The following RPS3 variants were observed in gnomAD, a reference collection of about 807,000 sequenced individuals.
RPS3 encodes ribosomal protein S3.
Under a neutral mutation model 25.8 loss-of-function variants are expected in RPS3, and 2 were observed. That is an observed-to-expected ratio of 0.08 (90% CI 0.03 to 0.24). The LOEUF (loss-of-function observed/expected upper bound fraction) is 0.24, where lower values mean the gene tolerates loss of function less well. RPS3 is among the 10% of genes least tolerant of loss of function. RPS3 has a pLI of 1.00. For synonymous variants in RPS3, 114 were observed against 114.2 expected (o/e 1.00, Z 0.01); for missense variants, 107 against 307.1 (o/e 0.35, Z 4.87).
rs747079232 is a variant in RPS3 at position 75,404,889 on chromosome 11, G to C, written c.*3+21G>C. 1 of 1,518,470 alleles carries C rather than the reference G, an allele frequency of 6.6e-7. No individual in the cohort carries two copies. 94.1% of individuals were successfully genotyped at this position (1,518,470 alleles called of 1,614,324 possible). ...AACAGGTATGTCTGCAAGGGCAGGG[G>C]CCTCTTGGGGCATAATAGGGTCCTT... is the stretch of plus-strand genomic sequence containing the variant. On this transcript the variant is annotated intron_variant, in intron 6 of 6. Coordinates refer to ENST00000531188, the MANE Select transcript of RPS3 (RefSeq NM_001005.5). The surrounding 1 kb of genome is among the most constrained non-coding windows in gnomAD (Gnocchi z 4.6).
At chr11:75,402,471 C>T (rs1565163654) in intron 4 of RPS3, 25 bp downstream of exon 4, 7 of 1,587,366 alleles carry the variant, frequency 4.4e-6, no homozygotes, top group Middle Eastern at 2.0e-4. Context: ...ACCTAATGGT[C>T]ATGACCTTTT....
intron 6 of RPS3, among the ~76,000 whole-genome samples, chr11:75,417,449 T>C (rs1948408765): frequency 1.3e-5 from 2 of 152,028 alleles, no homozygotes; most frequent in African/African-American, 4.8e-5. Flanking sequence ...CAAAAAAAAT[T>C]AGCCAGGCGT....
chr11:75,402,708 C>G, intron 4 of RPS3: 1 of 252,010 alleles, frequency 4.0e-6, no homozygotes, highest in Non-Finnish European at 7.8e-6. Flanking sequence ...ATAGAACTGT[C>G]CAAGGAGGGG....
At chr11:75,417,589 T>C (rs1948410204) in intron 6 of RPS3, among the ~76,000 whole-genome samples, 2 of 152,152 alleles carry the variant, frequency 1.3e-5, no homozygotes, top group African/African-American at 4.8e-5. Context: ...AGAGTGAGAC[T>C]CCGTCACACA....
At position 75,404,568 on chromosome 11, in the gene RPS3, TC is replaced by T. The variant is rs1948257232; in HGVS notation, c.539-102del. 2 of 1,126,520 alleles carry T rather than the reference TC, an allele frequency of 1.8e-6. No individual in the cohort carries two copies. The highest frequency in any genetic ancestry group is 1.5e-5 in the African/African-American group (1 of 65,608). 69.8% of individuals were successfully genotyped at this position (1,126,520 alleles called of 1,614,324 possible). ...TTTAGAGGCATTTGTCTGAGAAGGG[TC>T]CAGACCCAGGGGTGCTTGAGTAAAC... On this transcript the variant is annotated intron_variant, in intron 5 of 6. Coordinates refer to ENST00000531188, the MANE Select transcript of RPS3 (RefSeq NM_001005.5). This position sits in a 1 kb window ranked among gnomAD's most constrained non-coding sequence, Gnocchi z 4.6.
downstream of RPS3, among the ~76,000 whole-genome samples, chr11:75,409,760 G>C (rs1362124206): frequency 2.0e-5 from 3 of 151,320 alleles, no homozygotes; most frequent in East Asian, 3.9e-4. Flanking sequence ...CAGTAGGGGC[G>C]GCCGGGCAGA....
At chr11:75,410,769 C>A (rs1283994794), downstream of RPS3, among the ~76,000 whole-genome samples, 1 of 144,988 alleles carries the variant, frequency 6.9e-6, no homozygotes, top group African/African-American at 2.6e-5. Context: ...GGATCACTCG[C>A]GGTTAGGAGC....
downstream of RPS3, among the ~76,000 whole-genome samples, chr11:75,410,082 CCCCCT>C (rs1300171672): frequency 2.8e-4 from 40 of 143,352 alleles, no homozygotes; most frequent in African/African-American, 9.7e-4. Flanking sequence ...CCCCCCCCTC[CCCCCT>C]CCCGGACTGG....
chr11:75,405,460 AT>A (rs34828342), intron 6 of RPS3, 153 bp from the exon 7 acceptor site: 6,012 of 293,152 alleles, frequency 0.021, 1 homozygote, highest in South Asian at 0.03. Flanking sequence ...GGTGCCTTGT[AT>A]TTTTTTTTTT....
intron 6 of RPS3, among the ~76,000 whole-genome samples, chr11:75,416,460 A>ATT (rs1180090052): frequency 0.027 from 3,601 of 132,764 alleles, 207 homozygotes; most frequent in African/African-American, 0.084. Flanking sequence ...GATTATTTCT[A>ATT]TTTTTTTTTT....
chr11:75,417,421 C>A (rs1014666460), intron 6 of RPS3, among the ~76,000 whole-genome samples: 1 of 152,114 alleles, frequency 6.6e-6, no homozygotes, highest in African/African-American at 2.4e-5. Flanking sequence ...CGGTAAAACC[C>A]CGTCTCTACT....
At chr11:75,421,021 C>G (rs1390220244) in intron 6 of RPS3, among the ~76,000 whole-genome samples, 11 of 152,244 alleles carry the variant, frequency 7.2e-5, no homozygotes, top group Non-Finnish European at 5.9e-5. Context: ...GGATCTGCCC[C>G]TGCCTTTTCC....
At chr11:75,410,733 C>T (rs1274833700), downstream of RPS3, among the ~76,000 whole-genome samples, 3 of 152,196 alleles carry the variant, frequency 2.0e-5, no homozygotes, top group Admixed American at 6.5e-5. Flanking sequence ...TCTGCAATCC[C>T]GGCACCTCGG....
At chr11:75,417,379 A>G (rs1948408214) in intron 6 of RPS3, among the ~76,000 whole-genome samples, 1 of 152,082 alleles carries the variant, frequency 6.6e-6, no homozygotes, top group Non-Finnish European at 1.5e-5. Context: ...AGGGGAATCA[A>G]AGGTCAGGAG....
intron 6 of RPS3, among the ~76,000 whole-genome samples, chr11:75,417,898 T>G (rs1216934492): frequency 6.6e-6 from 1 of 152,192 alleles, no homozygotes; most frequent in Non-Finnish European, 1.5e-5. Context: ...AGGTGACTGT[T>G]AACCTATGGA....
chr11:75,413,000 T>TGG (rs753489968), intron 6 of RPS3, among the ~76,000 whole-genome samples: 8 of 152,198 alleles, frequency 5.3e-5, no homozygotes, highest in Non-Finnish European at 8.8e-5. Flanking sequence ...CTTGAACTCC[T>TGG]GGCCTCAAGT....
chr11:75,405,499 A>G (rs17883464), intron 6 of RPS3, 115 bp from the exon 7 acceptor site: 95 of 405,742 alleles, frequency 2.3e-4, no homozygotes, highest in Non-Finnish European at 2.2e-4. Flanking sequence ...ACCCTTATGT[A>G]TGCATTTTAT....
At chr11:75,411,245 G>A (rs1230819071), downstream of RPS3, among the ~76,000 whole-genome samples, 3 of 151,924 alleles carry the variant, frequency 2.0e-5, no homozygotes, top group African/African-American at 7.3e-5. Context: ...CTCTTGACCT[G>A]AAATGATCCT....
chr11:75,404,885 AG>A lies in RPS3; in HGVS notation c.*3+21del, dbSNP rs775465477. The A allele has an allele frequency of 1.3e-6, 2 of 1,550,004 alleles. No homozygotes were observed. The highest frequency in any genetic ancestry group is 1.4e-5 in the African/African-American group (1 of 73,054). On this transcript the variant is annotated intron_variant, in intron 6 of 6. Coordinates refer to ENST00000531188, the MANE Select transcript of RPS3 (RefSeq NM_001005.5). This position sits in a 1 kb window ranked among gnomAD's most constrained non-coding sequence, Gnocchi z 4.6. Reference sequence around the variant, plus strand: ...GCATAACAGGTATGTCTGCAAGGGCAGGGGCCTCTTGGGGCATAATAGGGTC... The same window carrying A: ...GCATAACAGGTATGTCTGCAAGGGCAGGGCCTCTTGGGGCATAATAGGGTC...
Sources: allele counts gnomAD v4.1 joint callset (sites outside exome capture counted in the v4.1 genomes callset), GRCh38; gene constraint gnomAD v4.1.1; non-coding constraint Gnocchi (gnomAD v3.1); transcripts MANE v1.5; gene names NCBI Gene and HGNC (gene_info 2026-07-23, HGNC 2026-07-21).